Variants in ULK4 observed in about 807,000 individuals in gnomAD.
The protein encoded by ULK4 is inactive serine/threonine-protein kinase ULK4.
Under a neutral mutation model 160.6 loss-of-function variants are expected in ULK4, and 133 were observed. That is an observed-to-expected ratio of 0.83 (90% CI 0.72 to 0.96). ULK4 has a LOEUF of 0.96. Ranked by LOEUF, ULK4 falls within the 40% of genes least tolerant of loss-of-function variation. The probability of loss-of-function intolerance (pLI) is 0.00; values close to 1 mark genes in which losing one functional copy is unlikely to be tolerated. For missense variants in ULK4, 1,580 were observed against 1,499.5 expected, an observed-to-expected ratio of 1.05 and a Z score of -0.89; for synonymous variants, 534 against 539.8, an observed-to-expected ratio of 0.99 and a Z score of 0.15.
At chr3:41,958,310 C>G (rs538102722) in intron 1 of ULK4, among the ~76,000 whole-genome samples, 1 of 152,196 alleles carries the variant, frequency 6.6e-6, no homozygotes, top group African/African-American at 2.4e-5. Flanking sequence ...TTCTTAAGCT[C>G]TACTAAACTT....
rs562571638 is a variant in ULK4 at position 41,338,013 on chromosome 3, G to A, written c.3678+60066C>T. Among the ~76,000 whole-genome samples the A allele has an allele frequency of 1.1e-4, 17 of 152,340 alleles. No individual in the cohort carries two copies. The South Asian group carries it at 3.3e-3, about 30-fold the overall frequency. Reference sequence around the variant, plus strand: ...TATCCTCTCTTCTCTCAAAAGCAGAGAGTTTTCTCAAATGGAACAAAGCAA... The same window carrying A: ...TATCCTCTCTTCTCTCAAAAGCAGAAAGTTTTCTCAAATGGAACAAAGCAA... On this transcript the variant is annotated intron_variant, in intron 35 of 36. Coordinates refer to ENST00000301831, the MANE Select transcript of ULK4 (RefSeq NM_017886.4).
At position 41,729,334 on chromosome 3, in the gene ULK4, C is replaced by T. The variant is rs549013010; in HGVS notation, c.2322-11473G>A. Among the ~76,000 whole-genome samples the T allele has an allele frequency of 1.7e-4, 26 of 152,286 alleles. 1 individual carries two copies. In the South Asian group the frequency reaches 2.9e-3, roughly 17 times the overall value. ...TTGCTGAAGAATCTCGCACTCCTCACGGGCCAATTGCAGTTCAGGAAGCTA... is the reference window on the plus strand; with the variant it reads ...TTGCTGAAGAATCTCGCACTCCTCATGGGCCAATTGCAGTTCAGGAAGCTA... On this transcript the variant is annotated intron_variant, in intron 22 of 36. Transcript: ENST00000301831.
At chr3:41,459,528 T>C (rs1178195270) in intron 33 of ULK4, among the ~76,000 whole-genome samples, 1 of 152,220 alleles carries the variant, frequency 6.6e-6, no homozygotes, top group African/African-American at 2.4e-5. Flanking sequence ...GTCCCCATTA[T>C]CTAGGATCTC....
At chr3:41,944,171 G>C (rs1159924929) in intron 2 of ULK4, among the ~76,000 whole-genome samples, 1 of 152,180 alleles carries the variant, frequency 6.6e-6, no homozygotes, top group African/African-American at 2.4e-5. Context: ...AGTGACAGTG[G>C]CCATCCAGCA....
chr3:41,910,380 G>T (rs912082790), intron 11 of ULK4, among the ~76,000 whole-genome samples: 4 of 152,108 alleles, frequency 2.6e-5, no homozygotes, highest in Non-Finnish European at 5.9e-5. Context: ...GATCACCTAA[G>T]GTCAGGAGTT....
chr3:41,728,891 A>G (rs1198684976), intron 22 of ULK4, among the ~76,000 whole-genome samples: 2 of 152,218 alleles, frequency 1.3e-5, no homozygotes, highest in African/African-American at 2.4e-5. Flanking sequence ...TTGATATATA[A>G]TCACAGCAAA....
At chr3:41,882,756 C>T (rs550646316) in intron 17 of ULK4, among the ~76,000 whole-genome samples, 2 of 152,272 alleles carry the variant, frequency 1.3e-5, no homozygotes, top group East Asian at 1.9e-4. Flanking sequence ...GGCACTTTGT[C>T]TTGGACTTTA....
intron 22 of ULK4, among the ~76,000 whole-genome samples, chr3:41,742,582 T>C (rs564662114): frequency 2.0e-5 from 3 of 151,782 alleles, no homozygotes; most frequent in Admixed American, 6.5e-5. Flanking sequence ...AAATCACTCA[T>C]CAAAACGAGA....
intron 2 of ULK4, among the ~76,000 whole-genome samples, chr3:41,941,631 C>G (rs1274184669): frequency 2.0e-5 from 3 of 151,222 alleles, no homozygotes; most frequent in Non-Finnish European, 4.4e-5. Flanking sequence ...GTGGCACATG[C>G]CTGTGGTCCC....
At chr3:41,380,067 A>G (rs1293384103) in intron 35 of ULK4, among the ~76,000 whole-genome samples, 1 of 152,196 alleles carries the variant, frequency 6.6e-6, no homozygotes, top group African/African-American at 2.4e-5. Flanking sequence ...GTGAGATTTC[A>G]TAAAATCAGC....
intron 34 of ULK4, among the ~76,000 whole-genome samples, chr3:41,404,247 T>C (rs1354168673): frequency 6.7e-6 from 1 of 148,554 alleles, no homozygotes; most frequent in Admixed American, 6.8e-5. Flanking sequence ...TTTTTTTGCT[T>C]CATGTATTTT....
At chr3:41,418,409 GCAAAAAATTTTC>G (rs1178974386) in intron 34 of ULK4, among the ~76,000 whole-genome samples, 1 of 150,070 alleles carries the variant, frequency 6.7e-6, no homozygotes, top group Admixed American at 6.7e-5. Flanking sequence ...TCACAAATCT[GCAAAAAATTTTC>G]CAAAAAATTT....
At chr3:41,454,870 G>A (rs529839798) in intron 34 of ULK4, among the ~76,000 whole-genome samples, 1 of 150,884 alleles carries the variant, frequency 6.6e-6, no homozygotes, top group Non-Finnish European at 1.5e-5. Context: ...TTTTTTTTTT[G>A]TATTTTTAGT....
chr3:41,912,482 G>A (rs1698823647), intron 9 of ULK4, among the ~76,000 whole-genome samples: 1 of 152,098 alleles, frequency 6.6e-6, no homozygotes, highest in Non-Finnish European at 1.5e-5. Context: ...CCAGAAACAA[G>A]TCACATGACC....
At position 41,615,690 on chromosome 3, in the gene ULK4, T is replaced by A; in HGVS notation, c.3099A>T (p.Pro1033=). 1.2e-6 allele frequency: 2 copies of A among 1,613,278 alleles called. No individual in the cohort carries two copies. Among genetic ancestry groups the A allele is most frequent in the Non-Finnish European group, 1.7e-6 (2 of 1,179,638 alleles). Residue 1033 remains proline, a synonymous_variant, in exon 31 of 37, where the codon CCA becomes CCT. Coordinates refer to ENST00000301831, the MANE Select transcript of ULK4 (RefSeq NM_017886.4). ...TRLVEESKLI[P]LIFEVTLEHQ... ...TTACCAGAGTTACTTCAAAAATGAG[T>A]GGGATCAGTTTGCTTTCTTCCACAA...
At chr3:41,769,186 ACAT>A (rs1179259570) in intron 21 of ULK4, among the ~76,000 whole-genome samples, 1 of 152,230 alleles carries the variant, frequency 6.6e-6, no homozygotes, top group Non-Finnish European at 1.5e-5. Context: ...AAGCCTAAAA[ACAT>A]CTTCTGCCCT....
chr3:41,562,239 T>C (rs545857720), intron 32 of ULK4, among the ~76,000 whole-genome samples: 36 of 152,232 alleles, frequency 2.4e-4, no homozygotes, highest in Non-Finnish European at 5.0e-4. Flanking sequence ...TTTACTGTGA[T>C]TTCTGTTCTT....
Position 41,908,418 on chromosome 3 carries a change from T to C in ULK4, c.1086-477A>G, listed in dbSNP as rs575075171. ...GCCATACCGTATGGGCCACTGTACT[T>C]TTCCTGGATCCATGGTTTTGAGCTT... On this transcript the variant is annotated intron_variant, in intron 11 of 36. Transcript: ENST00000301831. Among the ~76,000 whole-genome samples the C allele has an allele frequency of 2.6e-5, 4 of 152,258 alleles. No homozygotes were observed. The South Asian group carries it at 8.3e-4, about 32-fold the overall frequency.
At position 41,912,916 on chromosome 3, in the gene ULK4, T is replaced by C; in HGVS notation, c.804-17A>G. The C allele has an allele frequency of 1.9e-6, 3 of 1,611,624 alleles. No individual in the cohort carries two copies. Among genetic ancestry groups the C allele is most frequent in the South Asian group, 2.2e-5 (2 of 90,906 alleles). On this transcript the variant is annotated splice_polypyrimidine_tract_variant and intron_variant, in intron 8 of 36. Coordinates refer to ENST00000301831, the MANE Select transcript of ULK4 (RefSeq NM_017886.4). ...CAAGTCAATCTTTAAAAAACATAAA[T>C]GTTAAAACTCTACTTTAACATGATT...
Sources: gnomAD v4.1 joint callset for allele counts (sites outside exome capture counted in the v4.1 genomes callset) on GRCh38, gnomAD v4.1.1 for gene constraint, MANE v1.5 for transcripts, NCBI Gene and HGNC (gene_info 2026-07-23, HGNC 2026-07-21) for gene names.